Variants in ABCC4 observed in about 807,000 individuals in gnomAD.
The protein encoded by ABCC4 is ATP-binding cassette sub-family C member 4.
ABCC4 carries 102 observed loss-of-function variants against 168.5 expected under a neutral mutation model. The observed-to-expected ratio is 0.61, with a 90% CI of 0.52 to 0.71. The LOEUF (loss-of-function observed/expected upper bound fraction) is 0.71. ABCC4 is among the 30% of genes least tolerant of loss of function. ABCC4 has a pLI of 0.00. For missense variants in ABCC4, 1,402 were observed against 1,605.8 expected (o/e 0.87, Z 2.17); for synonymous variants, 617 against 590.7 (o/e 1.04, Z -0.65).
intron 20 of ABCC4, among the ~76,000 whole-genome samples, chr13:95,099,235 G>A (rs567219079): frequency 1.3e-5 from 2 of 152,110 alleles, no homozygotes; most frequent in Admixed American, 1.3e-4. Context: ...AAAACATGGT[G>A]AACAAAAGAA....
At chr13:95,023,949 G>A (rs1316055639) in intron 30 of ABCC4, among the ~76,000 whole-genome samples, 9 of 152,174 alleles carry the variant, frequency 5.9e-5, no homozygotes, top group Admixed American at 5.9e-4. Context: ...GCTCACACCT[G>A]TAATCTCAGC....
intron 20 of ABCC4, among the ~76,000 whole-genome samples, chr13:95,097,763 A>T (rs372059121): frequency 0.013 from 571 of 42,806 alleles, 4 homozygotes; most frequent in South Asian, 0.032. Flanking sequence ...AAGGTTTTTT[A>T]AAAAAAAAAA....
rs1269935818 is a variant in ABCC4, at chr13:95,075,365, C to A, written c.2806+67G>T. On this transcript the variant is annotated intron_variant, in intron 22 of 30. Transcript: ENST00000645237. ...GTGCCTGCCAACAAGCTCATCTGAC[C>A]AGGGAGGTTAAGCCAGAAAAAGCAG... 3.7e-6 allele frequency: 6 copies of A among 1,604,534 alleles called. No individual in the cohort carries two copies. The Admixed American group carries it at 1.0e-4, about 27-fold the overall frequency.
chr13:95,034,016 T>C (rs894783907), intron 30 of ABCC4, among the ~76,000 whole-genome samples: 3 of 152,170 alleles, frequency 2.0e-5, no homozygotes, highest in Non-Finnish European at 2.9e-5. Context: ...TGGGCCTAAT[T>C]CTAAACAACA....
intron 1 of ABCC4, among the ~76,000 whole-genome samples, chr13:95,262,037 G>A (rs545113458): frequency 1.3e-5 from 2 of 152,212 alleles, no homozygotes. Flanking sequence ...CCAGGGGCTT[G>A]AGGTTACAGT....
At chr13:95,200,647 G>C (rs1384796271) in intron 8 of ABCC4, among the ~76,000 whole-genome samples, 2 of 152,090 alleles carry the variant, frequency 1.3e-5, no homozygotes, top group African/African-American at 4.8e-5. Context: ...CTTGAACCTG[G>C]GAGGCAGAGG....
intron 4 of ABCC4, among the ~76,000 whole-genome samples, chr13:95,225,144 C>G (rs907913887): frequency 3.2e-4 from 15 of 46,614 alleles, no homozygotes; most frequent in African/African-American, 6.0e-4. Context: ...CTGTCTGTCT[C>G]TCTCTCTCTC....
In ABCC4 at chr13:95,289,119, T is replaced by C. The variant is rs554665674; in HGVS notation, c.74+12122A>G. ...CTCTCCGTCTCTCAAGACAGTAATC[T>C]GAGGGATTACTTCAATAGCAGAAGT... On this transcript the variant is annotated intron_variant, in intron 1 of 30. Transcript: ENST00000645237. Among the ~76,000 whole-genome samples, 7 of 152,304 alleles carry C rather than the reference T, an allele frequency of 4.6e-5. No homozygotes were observed. The South Asian group carries it at 1.4e-3, about 32-fold the overall frequency.
intron 13 of ABCC4, 147 bp downstream of exon 13, chr13:95,177,559 TA>T: frequency 5.1e-6 from 3 of 592,644 alleles, no homozygotes; most frequent in Non-Finnish European, 2.9e-6. Flanking sequence ...AAAATTTCTC[TA>T]AAATGGATCT....
At chr13:95,296,178 ACAC>A (rs2041530528) in intron 1 of ABCC4, among the ~76,000 whole-genome samples, 424 of 24,632 alleles carry the variant, frequency 0.017, 3 homozygotes, top group African/African-American at 0.036. Flanking sequence ...ACACACACAC[ACAC>A]ACAAAAACAC....
intron 9 of ABCC4, among the ~76,000 whole-genome samples, chr13:95,192,330 A>G (rs376804996): frequency 2.0e-5 from 3 of 151,942 alleles, no homozygotes; most frequent in African/African-American, 7.3e-5. Context: ...GCACCCTCTC[A>G]GCCGCAGGAC....
At position 95,123,598 on chromosome 13, in the gene ABCC4, G is replaced by A. The variant is rs970494998; in HGVS notation, c.2456-7597C>T. 4.6e-5 allele frequency among the ~76,000 whole-genome samples: 7 copies of A among 152,142 alleles called. No homozygotes were observed. In the East Asian group the frequency reaches 5.8e-4, roughly 13 times the overall value. On this transcript the variant is annotated intron_variant, in intron 19 of 30. Transcript: ENST00000645237. ...GCTGGTCTCAAACTCCTGACCTCAG[G>A]TGACCTGCCCACCTCAGCCTCCAAA...
chr13:95,040,168 TCCCAGTGA>T (rs1003783993), intron 29 of ABCC4, among the ~76,000 whole-genome samples: 25 of 152,276 alleles, frequency 1.6e-4, no homozygotes, highest in African/African-American at 6.0e-4. Flanking sequence ...GAAGGGTAGG[TCCCAGTGA>T]CCCACTCAGC....
intron 4 of ABCC4, among the ~76,000 whole-genome samples, chr13:95,218,026 A>G (rs2039173960): frequency 6.6e-6 from 1 of 152,352 alleles, no homozygotes; most frequent in Admixed American, 6.5e-5. Flanking sequence ...AAGTAAAGTC[A>G]GAGTAAAAAC....
Position 95,053,113 on chromosome 13 carries a change from C to T in ABCC4, c.3438G>A (p.Leu1146=). The T allele has an allele frequency of 1.2e-6, 2 of 1,614,002 alleles. No individual in the cohort carries two copies. Among genetic ancestry groups the T allele is most frequent in the Non-Finnish European group, 1.7e-6 (2 of 1,179,878 alleles). ...CAATTACCTCTTGTAAGGCATTCCA[C>T]AGTTCCTCATCCGTGTGCTCATTAA... ...DPFNEHTDEE[L]WNALQEVQLK... The change falls in exon 27 of 31, where the codon CTG becomes CTA. Residue 1146 remains leucine (L), a synonymous_variant. Coordinates refer to ENST00000645237, the MANE Select transcript of ABCC4 (RefSeq NM_005845.5).
intron 19 of ABCC4, among the ~76,000 whole-genome samples, chr13:95,136,779 C>G (rs974128550): frequency 6.6e-6 from 1 of 152,204 alleles, no homozygotes; most frequent in African/African-American, 2.4e-5. Context: ...AATCAAACAC[C>G]TGATGATGCA....
intron 26 of ABCC4, among the ~76,000 whole-genome samples, chr13:95,060,166 G>C (rs145249323): frequency 4.4e-4 from 67 of 152,300 alleles, no homozygotes; most frequent in Middle Eastern, 3.4e-3. Context: ...AGTTAAAAAG[G>C]AAAGTCTCTC....
At chr13:95,247,128 T>G in intron 2 of ABCC4, 33 bp from the exon 3 acceptor site, 1 of 1,600,796 alleles carries the variant, frequency 6.2e-7, no homozygotes, top group Non-Finnish European at 8.5e-7. Flanking sequence ...TAAATAAGAG[T>G]GAACCCTGCC....
intron 19 of ABCC4, among the ~76,000 whole-genome samples, chr13:95,156,551 G>A (rs189498942): frequency 5.3e-5 from 8 of 152,260 alleles, no homozygotes; most frequent in Middle Eastern, 3.4e-3. Flanking sequence ...GGAACAGAAC[G>A]GAAACAGGGC....
Sources: allele counts gnomAD v4.1 joint callset (sites outside exome capture counted in the v4.1 genomes callset), GRCh38; gene constraint gnomAD v4.1.1; transcripts MANE v1.5; gene names NCBI Gene and HGNC (gene_info 2026-07-23, HGNC 2026-07-21).